The following NDST4 variants were observed in gnomAD, a reference collection of about 807,000 sequenced individuals.
NDST4 encodes N-heparan sulfate sulfotransferase 4.
In NDST4, 63 loss-of-function variants were observed where a neutral mutation model predicts 100.8. The ratio of observed to expected loss-of-function variants is 0.62; its 90% confidence interval spans 0.51 to 0.77. The LOEUF (loss-of-function observed/expected upper bound fraction) is 0.77, where lower values mean the gene tolerates loss of function less well. Among genes scored for constraint, NDST4 ranks in the 30% least tolerant of loss-of-function variants. The pLI is 0.00. For synonymous variants in NDST4, 377 were observed against 361.8 expected, an observed-to-expected ratio of 1.04 and a Z score of -0.48; for missense variants, 943 against 1,018.4, an observed-to-expected ratio of 0.93 and a Z score of 1.01.
chr4:115,102,964 T>C (rs1253309146), intron 1 of NDST4, among the ~76,000 whole-genome samples: 2 of 152,036 alleles, frequency 1.3e-5, no homozygotes, highest in Non-Finnish European at 1.5e-5. Flanking sequence ...AGCCTGAGCC[T>C]CCCAAAGTCC....
intron 4 of NDST4, among the ~76,000 whole-genome samples, chr4:114,958,129 T>A (rs571782922): frequency 3.9e-4 from 59 of 152,328 alleles, no homozygotes; most frequent in African/African-American, 1.4e-3. Context: ...CACATTTCCC[T>A]TCCTCACTGC....
chr4:115,012,536 G>A (rs1727572839), intron 2 of NDST4, among the ~76,000 whole-genome samples: 1 of 152,010 alleles, frequency 6.6e-6, no homozygotes, highest in East Asian at 1.9e-4. Flanking sequence ...TAATATTGAA[G>A]TATGTTTTTA....
chr4:114,910,930 C>T (rs575157420), intron 6 of NDST4, among the ~76,000 whole-genome samples: 11 of 152,184 alleles, frequency 7.2e-5, no homozygotes, highest in Non-Finnish European at 1.6e-4. Context: ...CTCATTATCT[C>T]CATTATTACT....
intron 2 of NDST4, among the ~76,000 whole-genome samples, chr4:115,013,517 G>A (rs1305979487): frequency 1.3e-5 from 2 of 151,562 alleles, no homozygotes; most frequent in Non-Finnish European, 1.5e-5. Flanking sequence ...GAAATAATCA[G>A]ATGTTTTAGG....
At chr4:114,931,604 A>C (rs1033196714) in intron 6 of NDST4, among the ~76,000 whole-genome samples, 1 of 151,792 alleles carries the variant, frequency 6.6e-6, no homozygotes, top group Non-Finnish European at 1.5e-5. Flanking sequence ...ATTAGCATGC[A>C]TATAGCTAGA....
intron 2 of NDST4, among the ~76,000 whole-genome samples, 191 bp from the exon 3 acceptor site, chr4:114,977,465 C>T (rs1399535099): frequency 6.6e-6 from 1 of 151,866 alleles, no homozygotes; most frequent in East Asian, 1.9e-4. Context: ...TTGAAGGTCA[C>T]CATATTATGA....
intron 1 of NDST4, among the ~76,000 whole-genome samples, chr4:115,083,121 C>G (rs1025346584): frequency 3.3e-5 from 5 of 151,994 alleles, no homozygotes; most frequent in African/African-American, 1.2e-4. Flanking sequence ...AGAATTAGCT[C>G]ATATTTTATA....
At chr4:114,925,812 A>T (rs1411806649) in intron 6 of NDST4, among the ~76,000 whole-genome samples, 1 of 152,174 alleles carries the variant, frequency 6.6e-6, no homozygotes, top group Non-Finnish European at 1.5e-5. Context: ...CTATTGAAAC[A>T]TATTTGTCAA....
intron 6 of NDST4, 170 bp downstream of exon 6, chr4:114,935,036 C>T (rs1560819947): frequency 2.2e-6 from 1 of 445,380 alleles, no homozygotes; most frequent in Non-Finnish European, 3.4e-6. Flanking sequence ...AAAAATCAGT[C>T]CCAAAGTCAA....
chr4:114,869,015 T>C (rs1467170049), intron 7 of NDST4, among the ~76,000 whole-genome samples: 1 of 150,580 alleles, frequency 6.6e-6, no homozygotes, highest in Non-Finnish European at 1.5e-5. Context: ...AATAATCCCA[T>C]ATTTTAATTT....
intron 7 of NDST4, among the ~76,000 whole-genome samples, chr4:114,859,007 C>T: frequency 6.6e-6 from 1 of 152,180 alleles, no homozygotes; most frequent in Non-Finnish European, 1.5e-5. Flanking sequence ...GTATCTTTGG[C>T]ATTCAAATAG....
In NDST4 at chr4:114,937,372, A is replaced by G. The variant is rs764087456; in HGVS notation, c.1353T>C (p.Tyr451=). 1 of 1,614,092 alleles carries G rather than the reference A, an allele frequency of 6.2e-7. No homozygotes were observed. The highest frequency in any genetic ancestry group is 1.7e-5 in the Admixed American group (1 of 60,008). Reference sequence around the variant, plus strand: ...TGTACCGGGCAGGTTTCAGATGTGGATATTCTTCAGTGCTGGTGACTTGAA... The same window carrying G: ...TGTACCGGGCAGGTTTCAGATGTGGGTATTCTTCAGTGCTGGTGACTTGAA... ...WGIQVTSTEE[Y]PHLKPARYRK... is the part of the protein sequence containing the mutation. Residue 451 remains tyrosine, a synonymous_variant, in exon 5 of 14, where the codon TAT becomes TAC. Transcript: ENST00000264363.
At chr4:114,863,381 T>C (rs1355022748) in intron 7 of NDST4, among the ~76,000 whole-genome samples, 3 of 152,236 alleles carry the variant, frequency 2.0e-5, no homozygotes, top group Non-Finnish European at 2.9e-5. Flanking sequence ...TGCAGTTAAA[T>C]TATGTGCGTG....
intron 2 of NDST4, among the ~76,000 whole-genome samples, chr4:115,046,744 C>G (rs1192081255): frequency 5.9e-5 from 9 of 151,944 alleles, no homozygotes; most frequent in African/African-American, 1.5e-4. Context: ...ATTGTTTATT[C>G]AGGAATTTGA....
chr4:114,959,189 G>T (rs1726205729), intron 4 of NDST4, among the ~76,000 whole-genome samples: 2 of 152,088 alleles, frequency 1.3e-5, no homozygotes, highest in African/African-American at 4.8e-5. Flanking sequence ...CAAGTCTCTA[G>T]GAAGTTTCAA....
chr4:115,061,243 T>A (rs749880311), intron 2 of NDST4, among the ~76,000 whole-genome samples: 7 of 152,092 alleles, frequency 4.6e-5, no homozygotes, highest in Non-Finnish European at 7.3e-5. Context: ...GAACCAGAAA[T>A]ACCATTTGAC....
intron 2 of NDST4, among the ~76,000 whole-genome samples, chr4:114,984,967 A>G (rs279511): frequency 0.39 from 59,213 of 152,026 alleles, 12,161 homozygotes; most frequent in African/African-American, 0.53. Context: ...ACTGCTACTC[A>G]AGGAGGAATT....
intron 6 of NDST4, among the ~76,000 whole-genome samples, chr4:114,873,326 T>A (rs535149191): frequency 6.6e-6 from 1 of 151,868 alleles, no homozygotes; most frequent in East Asian, 1.9e-4. Context: ...CCACTTAATC[T>A]CTTTAAAGTT....
intron 2 of NDST4, among the ~76,000 whole-genome samples, chr4:115,066,355 C>G (rs1192322733): frequency 2.0e-5 from 3 of 152,098 alleles, no homozygotes; most frequent in Non-Finnish European, 4.4e-5. Context: ...GATGACTTTT[C>G]CTTCCATTGA....
Sources: gnomAD v4.1 joint callset for allele counts (sites outside exome capture counted in the v4.1 genomes callset) on GRCh38, gnomAD v4.1.1 for gene constraint, MANE v1.5 for transcripts, NCBI Gene and HGNC (gene_info 2026-07-23, HGNC 2026-07-21) for gene names.